The following BCAS3 variants were observed in gnomAD, a reference collection of about 807,000 sequenced individuals.
BCAS3 encodes the protein BCAS3 microtubule associated cell migration factor.
In BCAS3, 53 loss-of-function variants were observed where a neutral mutation model predicts 116.1. That is an observed-to-expected ratio of 0.46 (90% CI 0.37 to 0.57). The LOEUF is 0.57. Ranked by LOEUF, BCAS3 falls within the 20% of genes least tolerant of loss-of-function variation. BCAS3 has a pLI of 0.00. For synonymous variants in BCAS3, 391 were observed against 408.2 expected, an observed-to-expected ratio of 0.96 and a Z score of 0.51; for missense variants, 917 against 1,165.4, an observed-to-expected ratio of 0.79 and a Z score of 3.10.
At chr17:60,957,461 C>G (rs2061193313) in intron 14 of BCAS3, among the ~76,000 whole-genome samples, 1 of 152,080 alleles carries the variant, frequency 6.6e-6, no homozygotes, top group African/African-American at 2.4e-5. Context: ...ATCTAGCAAC[C>G]CTGTGCATGA....
At chr17:60,966,809 T>A (rs551142104) in intron 14 of BCAS3, among the ~76,000 whole-genome samples, 1 of 152,040 alleles carries the variant, frequency 6.6e-6, no homozygotes, top group South Asian at 2.1e-4. Flanking sequence ...TGTGCCACCA[T>A]GTCCAGCTAA....
At chr17:61,328,149 C>A (rs956886613) in intron 22 of BCAS3, among the ~76,000 whole-genome samples, 2 of 150,898 alleles carry the variant, frequency 1.3e-5, no homozygotes, top group Non-Finnish European at 2.9e-5. Flanking sequence ...CGTGGAATAA[C>A]CTATAGCTTT....
intron 6 of BCAS3, among the ~76,000 whole-genome samples, chr17:60,788,349 AT>A (rs2046464519): frequency 6.6e-6 from 1 of 152,180 alleles, no homozygotes; most frequent in Non-Finnish European, 1.5e-5. Context: ...AAAATGGAAG[AT>A]TTGTGTTTGG....
intron 7 of BCAS3, among the ~76,000 whole-genome samples, chr17:60,819,639 A>G (rs1232504743): frequency 6.6e-6 from 1 of 152,192 alleles, no homozygotes. Flanking sequence ...AACAGATAGC[A>G]TACTCAAATT....
At chr17:60,709,552 G>T in intron 5 of BCAS3, 1 of 360,550 alleles carries the variant, frequency 2.8e-6, no homozygotes. Flanking sequence ...ACCACACCCA[G>T]GTAATTTTTG....
intron 7 of BCAS3, among the ~76,000 whole-genome samples, chr17:60,863,933 G>C (rs754688365): frequency 2.0e-5 from 3 of 152,106 alleles, no homozygotes; most frequent in Admixed American, 2.0e-4. Context: ...CCCCTTACGG[G>C]GCTCTTTCCT....
chr17:61,208,888 AAAAAG>A lies in BCAS3; in HGVS notation c.2425+124325_2425+124329del, dbSNP rs1015748024. On this transcript the variant is annotated intron_variant, in intron 22 of 23. Coordinates refer to ENST00000407086, the MANE Select transcript of BCAS3 (RefSeq NM_017679.5). The surrounding 1 kb of genome is among the most constrained non-coding windows in gnomAD (Gnocchi z 4.5). ...AAAGTGCTAAAAAGGAAAAAAAAAAAAAAAGGAGGGCCTGTATCTCTTGTGTAGCT... is the reference window on the plus strand; with the variant it reads ...AAAGTGCTAAAAAGGAAAAAAAAAAAGAGGGCCTGTATCTCTTGTGTAGCT... Among the ~76,000 whole-genome samples the A allele has an allele frequency of 6.6e-5, 10 of 152,274 alleles. No homozygotes were observed. The highest frequency in any genetic ancestry group is 2.4e-4 in the African/African-American group (10 of 41,558).
At chr17:61,067,640 TG>T (rs2070826629) in intron 19 of BCAS3, among the ~76,000 whole-genome samples, 2 of 148,484 alleles carry the variant, frequency 1.3e-5, no homozygotes, top group South Asian at 4.2e-4. Flanking sequence ...CGCTTGAACC[TG>T]GGAGGCGGAG....
chr17:61,090,121 A>G (rs1337419988), intron 22 of BCAS3, among the ~76,000 whole-genome samples: 5 of 152,230 alleles, frequency 3.3e-5, no homozygotes, highest in African/African-American at 9.6e-5. Context: ...CTTCTACATC[A>G]GTAAAAGAAG....
In BCAS3 at chr17:61,392,090, C is replaced by T; in HGVS notation, c.2707C>T (p.Gln903Ter). The change falls in exon 24 of 24, where the codon CAG (glutamine) becomes TAG (stop). Residue 903 changes from glutamine to a stop codon, truncating the protein, a stop_gained. Coordinates refer to ENST00000407086, the MANE Select transcript of BCAS3 (RefSeq NM_017679.5). LOFTEE classifies it high-confidence loss of function. The surrounding 1 kb of genome is among the most constrained non-coding windows in gnomAD (Gnocchi z 6.4). ...YRSPLPTNES[Q>*]PLSLFPTGFP is the part of the protein sequence containing the mutation. ...ATCTCCGCTGCCCACCAATGAGAGC[C>T]AGCCCCTCAGCCTCTTCCCGACTGG... 6.2e-7 allele frequency: 1 copy of T among 1,613,782 alleles called. No individual in the cohort carries two copies. The highest frequency in any genetic ancestry group is 8.5e-7 in the Non-Finnish European group (1 of 1,179,994).
chr17:61,270,168 A>G (rs147174807), intron 22 of BCAS3, among the ~76,000 whole-genome samples: 2,753 of 123,396 alleles, frequency 0.022, 93 homozygotes, highest in African/African-American at 0.081. Context: ...CACCCAGGCT[A>G]GAGTGCGATG....
chr17:61,116,916 T>G (rs1032028849), intron 22 of BCAS3, among the ~76,000 whole-genome samples: 1 of 152,194 alleles, frequency 6.6e-6, no homozygotes, highest in African/African-American at 2.4e-5. Context: ...CTTTCAAGAT[T>G]TTTTCTTTGT....
At chr17:60,881,192 T>A (rs565789630) in intron 9 of BCAS3, among the ~76,000 whole-genome samples, 32 of 152,262 alleles carry the variant, frequency 2.1e-4, no homozygotes, top group Non-Finnish European at 3.8e-4. Context: ...GCCAGGATGG[T>A]CTCGATCTCC....
chr17:61,238,491 G>A (rs2083243382), intron 22 of BCAS3, among the ~76,000 whole-genome samples: 1 of 152,106 alleles, frequency 6.6e-6, no homozygotes, highest in East Asian at 1.9e-4. Context: ...AAAGTGCTGG[G>A]ATTACAGTTG....
rs914236308 is a variant in BCAS3 at position 61,365,145 on chromosome 17, G to A, written c.2426-3182G>A. On this transcript the variant is annotated intron_variant, in intron 22 of 23. Transcript: ENST00000407086. The surrounding 1 kb of genome is among the most constrained non-coding windows in gnomAD (Gnocchi z 4.6). ...GCATGCCTGGAATCATACAGCTCAC[G>A]TGTTAGTCTTTCTTGAAGTCCAGGC... 3.9e-5 allele frequency among the ~76,000 whole-genome samples: 6 copies of A among 152,146 alleles called. No individual in the cohort carries two copies. The highest frequency in any genetic ancestry group is 6.5e-5 in the Admixed American group (1 of 15,278).
At position 61,388,568 on chromosome 17, in the gene BCAS3, T is replaced by C. The variant is rs935802972; in HGVS notation, c.2594-3409T>C. 8 of 1,502,078 alleles carry C rather than the reference T, an allele frequency of 5.3e-6. No homozygotes were observed. Among genetic ancestry groups the C allele is most frequent in the Non-Finnish European group, 7.1e-6 (8 of 1,120,718 alleles). The allele number at this position is 1,502,078 out of a possible 1,614,324, so 93.0% of individuals were successfully genotyped here. A position where few individuals can be genotyped will look rare whatever the true frequency, so the allele number is the denominator to read the frequency against. On this transcript the variant is annotated intron_variant, in intron 23 of 23. Transcript: ENST00000407086. The surrounding 1 kb of genome is among the most constrained non-coding windows in gnomAD (Gnocchi z 6.5). ...CAGAGATCAGTGTACTTCTCAATCGTTGTCCATATCTTTTCCAAAAAGATT... is the reference window on the plus strand; with the variant it reads ...CAGAGATCAGTGTACTTCTCAATCGCTGTCCATATCTTTTCCAAAAAGATT...
chr17:61,321,502 G>C (rs2055208657), intron 22 of BCAS3, among the ~76,000 whole-genome samples: 1 of 152,222 alleles, frequency 6.6e-6, no homozygotes, highest in Non-Finnish European at 1.5e-5. Flanking sequence ...CTCAAGAAGA[G>C]GCCATTTGAT....
At chr17:60,952,800 C>G (rs1339446311) in intron 14 of BCAS3, among the ~76,000 whole-genome samples, 1 of 152,018 alleles carries the variant, frequency 6.6e-6, no homozygotes, top group Non-Finnish European at 1.5e-5. Flanking sequence ...GCCCCAGTGT[C>G]TGTTCCCTCT....
intron 22 of BCAS3, among the ~76,000 whole-genome samples, chr17:61,237,784 C>A (rs8073676): frequency 0.17 from 25,649 of 152,194 alleles, 2,343 homozygotes; most frequent in African/African-American, 0.2. Flanking sequence ...ACCGTAGACC[C>A]CCAGCTCTTA....
Sources: gnomAD v4.1 joint callset for allele counts (sites outside exome capture counted in the v4.1 genomes callset) on GRCh38, gnomAD v4.1.1 for gene constraint, Gnocchi (gnomAD v3.1) non-coding constraint, MANE v1.5 for transcripts, NCBI Gene and HGNC (gene_info 2026-07-23, HGNC 2026-07-21) for gene names.